CELF2: variants seen among roughly 807,000 people sequenced by gnomAD.
CELF2 encodes the protein CUGBP Elav-like family member 2, also known as CUG triplet repeat RNA-binding protein 2.
Under a neutral mutation model 62.6 loss-of-function variants are expected in CELF2, and 8 were observed. That is an observed-to-expected ratio of 0.13 (90% CI 0.07 to 0.23). The LOEUF is 0.23. Ranked by LOEUF, CELF2 falls within the 10% of genes least tolerant of loss-of-function variation. The probability of loss-of-function intolerance (pLI) is 1.00; values close to 1 mark genes in which losing one functional copy is unlikely to be tolerated. For synonymous variants in CELF2, 258 were observed against 250.0 expected (o/e 1.03, Z -0.30); for missense variants, 333 against 671.0 (o/e 0.50, Z 5.56).
At chr10:10,925,463 G>A (rs1019288881) in intron 2 of CELF2, among the ~76,000 whole-genome samples, 3 of 151,934 alleles carry the variant, frequency 2.0e-5, no homozygotes, top group African/African-American at 7.3e-5. Flanking sequence ...CTTGGTTGTG[G>A]GAGAAAACAG....
chr10:11,307,105 C>G (rs547853284), intron 9 of CELF2, among the ~76,000 whole-genome samples: 3 of 152,232 alleles, frequency 2.0e-5, no homozygotes, highest in Admixed American at 6.5e-5. Context: ...TTTGCAGACC[C>G]ACCTTGGAGA....
intron 9 of CELF2, among the ~76,000 whole-genome samples, chr10:11,303,566 T>G (rs757549156): frequency 3.9e-5 from 6 of 152,236 alleles, no homozygotes; most frequent in Non-Finnish European, 8.8e-5. Flanking sequence ...CAGTGCCGCC[T>G]TCTTGGATTG....
the CELF2 span, among the ~76,000 whole-genome samples, chr10:10,637,781 C>A: frequency 6.6e-6 from 1 of 152,172 alleles, no homozygotes; most frequent in Non-Finnish European, 1.5e-5. Context: ...ATGAATCAAG[C>A]ATTGTCAGCC....
the CELF2 span, among the ~76,000 whole-genome samples, chr10:10,607,520 C>A: frequency 1.3e-5 from 2 of 152,150 alleles, no homozygotes; most frequent in Admixed American, 6.5e-5. Flanking sequence ...CTGATTTCCC[C>A]CAAAACACAA....
At position 11,285,826 on chromosome 10, in the gene CELF2, GGTGTGTGTGTGTGTGTGTGTGTGT is replaced by G. The variant is rs71378788; in HGVS notation, c.842-2563_842-2540del. 0.015 allele frequency among the ~76,000 whole-genome samples: 1,873 copies of G among 128,792 alleles called. 49 individuals carry two copies. The highest frequency in any genetic ancestry group is 0.051 in the African/African-American group (1,749 of 34,036). 84.5% of individuals were successfully genotyped at this position (128,792 alleles called of 152,430 possible). A position where few individuals can be genotyped will look rare whatever the true frequency, so the allele number is the denominator to read the frequency against. ...TTGCTCATCACCTACTATATATATT[GGTGTGTGTGTGTGTGTGTGTGTGT>G]GTGTGTGTGTGTGTGTGTGTGTGTG... On this transcript the variant is annotated intron_variant, in intron 8 of 12. Transcript: ENST00000633077. This position sits in a 1 kb window ranked among gnomAD's most constrained non-coding sequence, Gnocchi z 4.3.
chr10:11,192,879 G>A (rs2076572808), intron 2 of CELF2, among the ~76,000 whole-genome samples: 1 of 152,196 alleles, frequency 6.6e-6, no homozygotes, highest in African/African-American at 2.4e-5. Context: ...GTATTGAGGT[G>A]ATTCTAACGT....
the CELF2 span, among the ~76,000 whole-genome samples, chr10:10,522,021 A>C: frequency 6.6e-6 from 1 of 152,172 alleles, no homozygotes; most frequent in African/African-American, 2.4e-5. Flanking sequence ...CTGGGGTTTC[A>C]AGACGTGGCA....
the CELF2 span, among the ~76,000 whole-genome samples, chr10:10,548,497 A>C: frequency 6.6e-6 from 1 of 152,200 alleles, no homozygotes; most frequent in African/African-American, 2.4e-5. Context: ...AGTAGGAATC[A>C]TTTAGTATGT....
intron 1 of CELF2, among the ~76,000 whole-genome samples, chr10:10,905,531 G>A (rs1283146501): frequency 6.7e-6 from 1 of 150,374 alleles, no homozygotes; most frequent in Non-Finnish European, 1.5e-5. Flanking sequence ...TTCACTTGAG[G>A]CCAGGAGTTC....
the CELF2 span, among the ~76,000 whole-genome samples, chr10:10,576,245 G>A: frequency 1.3e-5 from 2 of 152,180 alleles, no homozygotes; most frequent in Non-Finnish European, 2.9e-5. Flanking sequence ...GAACTGCGAA[G>A]AGCTGAGAGC....
intron 1 of CELF2, among the ~76,000 whole-genome samples, chr10:11,160,645 CAAAAAAAAA>C (rs35755036): frequency 1.0e-5 from 1 of 96,898 alleles, no homozygotes; most frequent in South Asian, 3.1e-4. Flanking sequence ...TCCCAAGGAT[CAAAAAAAAA>C]AAAAAAAAAA....
chr10:10,624,483 G>C, the CELF2 span, among the ~76,000 whole-genome samples: 1 of 152,156 alleles, frequency 6.6e-6, no homozygotes, highest in African/African-American at 2.4e-5. Context: ...AGTAAATCTA[G>C]CTCCCTTCAT....
chr10:11,324,705 G>C lies in CELF2; in HGVS notation c.1295-1131G>C, dbSNP rs2095631946. Among the ~76,000 whole-genome samples, 2 of 152,180 alleles carry C rather than the reference G, an allele frequency of 1.3e-5. No homozygotes were observed. The highest frequency in any genetic ancestry group is 6.5e-5 in the Admixed American group (1 of 15,288). On this transcript the variant is annotated intron_variant, in intron 11 of 12. Coordinates refer to ENST00000633077, the MANE Select transcript of CELF2 (RefSeq NM_001326342.2). The surrounding 1 kb of genome is among the most constrained non-coding windows in gnomAD (Gnocchi z 4.7). ...TTGTGGAGGCAGGGGAAGAAGCTTGGTTTGACATTTTTACAAAGTTCTTTT... is the reference window on the plus strand; with the variant it reads ...TTGTGGAGGCAGGGGAAGAAGCTTGCTTTGACATTTTTACAAAGTTCTTTT...
intron 8 of CELF2, among the ~76,000 whole-genome samples, chr10:11,275,896 C>A (rs2085890356): frequency 6.6e-6 from 1 of 152,160 alleles, no homozygotes; most frequent in South Asian, 2.1e-4. Flanking sequence ...GCCCATTAAC[C>A]TGCCGTGAGG....
intron 1 of CELF2, among the ~76,000 whole-genome samples, chr10:10,802,846 G>A (rs2054810205): frequency 6.6e-6 from 1 of 152,112 alleles, no homozygotes; most frequent in Non-Finnish European, 1.5e-5. Flanking sequence ...CTTTCAGACA[G>A]CTCAGTCCAA....
chr10:10,510,382 G>T, the CELF2 span, among the ~76,000 whole-genome samples: 13 of 152,220 alleles, frequency 8.5e-5, no homozygotes. Flanking sequence ...AGGTTGTGTT[G>T]TTTGTGTGGT....
chr10:10,575,008 G>A, the CELF2 span, among the ~76,000 whole-genome samples: 3 of 151,262 alleles, frequency 2.0e-5, no homozygotes, highest in East Asian at 1.9e-4. Flanking sequence ...GTGAGCCACC[G>A]CACCTGACCT....
chr10:11,237,756 A>ATTC lies in CELF2; in HGVS notation c.355-11397_355-11396insTTC, dbSNP rs34949796. Among the ~76,000 whole-genome samples the ATTC allele has an allele frequency of 2.6e-5, 4 of 151,618 alleles. No individual in the cohort carries two copies. The East Asian group carries it at 7.7e-4, about 29-fold the overall frequency. ...CAGCTGGCACTGGGGAGGGCACCGA[A>ATTC]GGCTGAGGGAGCACTGAGGCCCCAG... is the stretch of plus-strand genomic sequence containing the variant. On this transcript the variant is annotated intron_variant, in intron 3 of 12. Coordinates refer to ENST00000633077, the MANE Select transcript of CELF2 (RefSeq NM_001326342.2). This position sits in a 1 kb window ranked among gnomAD's most constrained non-coding sequence, Gnocchi z 4.0.
the CELF2 span, among the ~76,000 whole-genome samples, chr10:10,599,454 G>A: frequency 3.3e-5 from 5 of 152,158 alleles, no homozygotes; most frequent in African/African-American, 4.8e-5. Context: ...ACTAGCAGTA[G>A]GCAAACTCAT....
Sources: gnomAD v4.1 joint callset for allele counts (sites outside exome capture counted in the v4.1 genomes callset) on GRCh38, gnomAD v4.1.1 for gene constraint, Gnocchi (gnomAD v3.1) non-coding constraint, MANE v1.5 for transcripts, NCBI Gene and HGNC (gene_info 2026-07-23, HGNC 2026-07-21) for gene names.